Variants in EYS observed in about 807,000 individuals in gnomAD.
The protein encoded by EYS is protein eyes shut homolog.
Under a neutral mutation model 282.1 loss-of-function variants are expected in EYS, and 250 were observed. The ratio of observed to expected loss-of-function variants is 0.89; its 90% CI spans 0.80 to 0.98. The LOEUF (loss-of-function observed/expected upper bound fraction) is 0.98, where lower values mean the gene tolerates loss of function less well. Among genes scored for constraint, EYS ranks in the 50% least tolerant of loss-of-function variants. The probability of loss-of-function intolerance (pLI) is 0.00; values close to 1 mark genes in which losing one functional copy is unlikely to be tolerated. For missense variants in EYS, 4,016 were observed against 3,709.0 expected (o/e 1.08, Z -2.15); for synonymous variants, 1,355 against 1,282.9 (o/e 1.06, Z -1.20).
At chr6:65,137,237 C>T (rs569192138) in intron 12 of EYS, among the ~76,000 whole-genome samples, 5 of 152,158 alleles carry the variant, frequency 3.3e-5, no homozygotes, top group African/African-American at 9.6e-5. Flanking sequence ...ACTCTAGTTT[C>T]TCTGAGGAAG....
intron 28 of EYS, among the ~76,000 whole-genome samples, chr6:64,409,419 G>A (rs765787337): frequency 1.6e-4 from 24 of 152,136 alleles, no homozygotes; most frequent in African/African-American, 5.3e-4. Flanking sequence ...AAATTGACAA[G>A]TGGGATCAAA....
At chr6:64,840,920 AAGAACTACAC>A (rs1313544454) in intron 19 of EYS, among the ~76,000 whole-genome samples, 2 of 152,126 alleles carry the variant, frequency 1.3e-5, no homozygotes, top group African/African-American at 4.8e-5. Context: ...TAAATAGACA[AAGAACTACAC>A]AGCACACAGC....
At chr6:64,533,072 G>C (rs9351302) in intron 26 of EYS, among the ~76,000 whole-genome samples, 1 of 152,160 alleles carries the variant, frequency 6.6e-6, no homozygotes, top group Non-Finnish European at 1.5e-5. Flanking sequence ...ATTCATATTA[G>C]AAATGAAGAA....
chr6:64,928,203 A>C lies in EYS; in HGVS notation c.2382-15460T>G, dbSNP rs1368939505. 2.0e-5 allele frequency among the ~76,000 whole-genome samples: 3 copies of C among 152,250 alleles called. No homozygotes were observed. In the East Asian group the frequency reaches 5.8e-4, roughly 29 times the overall value. ...CCCCTTCCCCATAAAAAGAAAGAGT[A>C]AGGGAAAAAGTCTACTTCAAAACAT... On this transcript the variant is annotated intron_variant, in intron 15 of 42. Coordinates refer to ENST00000503581, the MANE Select transcript of EYS (RefSeq NM_001142800.2).
chr6:64,592,037 C>T (rs971912501), intron 25 of EYS, 48 bp from the exon 26 acceptor site: 10 of 1,363,620 alleles, frequency 7.3e-6, no homozygotes, highest in East Asian at 2.5e-5. Context: ...GAATCAGAAA[C>T]GAACCACTTT....
intron 8 of EYS, among the ~76,000 whole-genome samples, chr6:65,375,243 G>C (rs1765317022): frequency 6.6e-6 from 1 of 152,156 alleles, no homozygotes; most frequent in Non-Finnish European, 1.5e-5. Flanking sequence ...CAAGCAAACA[G>C]GGTCTGCAGT....
intron 11 of EYS, among the ~76,000 whole-genome samples, chr6:65,299,881 C>A: frequency 6.6e-6 from 1 of 151,774 alleles, no homozygotes; most frequent in Non-Finnish European, 1.5e-5. Flanking sequence ...TACCCCAAAA[C>A]ACACACACAC....
chr6:64,312,103 G>A (rs574617610), intron 29 of EYS, among the ~76,000 whole-genome samples: 3 of 151,672 alleles, frequency 2.0e-5, no homozygotes, highest in South Asian at 2.1e-4. Context: ...CCACCCCAAC[G>A]GAGCCCAACA....
chr6:65,269,227 T>C (rs970116323), intron 12 of EYS, among the ~76,000 whole-genome samples: 4 of 152,172 alleles, frequency 2.6e-5, no homozygotes, highest in African/African-American at 7.2e-5. Context: ...CCACATTGTG[T>C]GTCCCACTTC....
chr6:64,690,106 A>G (rs1770318287), intron 22 of EYS, among the ~76,000 whole-genome samples: 1 of 151,948 alleles, frequency 6.6e-6, no homozygotes, highest in African/African-American at 2.4e-5. Flanking sequence ...TCCAGAATCT[A>G]CAAAGAACTC....
chr6:63,928,799 C>G (rs1012576599), intron 35 of EYS, among the ~76,000 whole-genome samples: 1 of 152,118 alleles, frequency 6.6e-6, no homozygotes, highest in African/African-American at 2.4e-5. Context: ...TACCAAGCTT[C>G]CTGAAAGTCT....
At chr6:64,228,936 T>C (rs183678805) in intron 31 of EYS, among the ~76,000 whole-genome samples, 24 of 152,272 alleles carry the variant, frequency 1.6e-4, no homozygotes, top group African/African-American at 5.5e-4. Context: ...GGGTCATTGC[T>C]AGTGTAATAC....
chr6:65,319,094 C>T (rs1213593990), intron 11 of EYS, among the ~76,000 whole-genome samples: 2 of 147,288 alleles, frequency 1.4e-5, no homozygotes, highest in Non-Finnish European at 3.0e-5. Context: ...TGTGGTGTCT[C>T]AGGCCTGTAA....
chr6:65,313,382 C>A (rs1187598005), intron 11 of EYS, among the ~76,000 whole-genome samples: 1 of 151,750 alleles, frequency 6.6e-6, no homozygotes. Context: ...AAGGATCAGC[C>A]CCGAATTATC....
chr6:64,782,850 T>C (rs1773902579), intron 22 of EYS, among the ~76,000 whole-genome samples: 2 of 152,270 alleles, frequency 1.3e-5, no homozygotes. Flanking sequence ...AGGGCACTTG[T>C]ATTTTTAGTA....
intron 12 of EYS, among the ~76,000 whole-genome samples, chr6:65,225,691 G>A (rs1318998183): frequency 4.1e-5 from 6 of 147,436 alleles, no homozygotes; most frequent in African/African-American, 1.5e-4. Context: ...TCCAGCCTGG[G>A]TAACTAGAGC....
chr6:65,222,052 A>T (rs1766480288), intron 12 of EYS, among the ~76,000 whole-genome samples: 1 of 152,172 alleles, frequency 6.6e-6, no homozygotes, highest in Non-Finnish European at 1.5e-5. Flanking sequence ...CCTAGGAAGT[A>T]ACTAACTTGC....
chr6:64,858,317 T>C (rs1184119554), intron 19 of EYS, among the ~76,000 whole-genome samples: 1 of 152,150 alleles, frequency 6.6e-6, no homozygotes, highest in East Asian at 1.9e-4. Context: ...TGTGTCTGGA[T>C]AGCCAGTTTT....
intron 12 of EYS, among the ~76,000 whole-genome samples, chr6:65,103,766 C>T (rs942398283): frequency 1.1e-4 from 17 of 151,476 alleles, no homozygotes; most frequent in African/African-American, 3.6e-4. Flanking sequence ...ACTGAATTTC[C>T]TGCTCACTTA....
Sources: gnomAD v4.1 joint callset for allele counts (sites outside exome capture counted in the v4.1 genomes callset) on GRCh38, gnomAD v4.1.1 for gene constraint, MANE v1.5 for transcripts, NCBI Gene and HGNC (gene_info 2026-07-23, HGNC 2026-07-21) for gene names.